The following SLC17A8 variants were observed in gnomAD, a reference collection of about 807,000 sequenced individuals.
SLC17A8 encodes vesicular glutamate transporter 3.
A neutral mutation model predicts 58.0 loss-of-function variants in SLC17A8; 31 were observed. That is an observed-to-expected ratio of 0.53 (90% CI 0.40 to 0.72). SLC17A8 has a LOEUF of 0.72. Among genes scored for constraint, SLC17A8 ranks in the 30% least tolerant of loss-of-function variants. The pLI is 0.00. For synonymous variants in SLC17A8, 228 were observed against 249.0 expected (o/e 0.92, Z 0.79); for missense variants, 655 against 727.8 (o/e 0.90, Z 1.15).
intron 1 of SLC17A8, among the ~76,000 whole-genome samples, chr12:100,370,191 CA>C (rs1364845686): frequency 6.6e-6 from 1 of 151,674 alleles, no homozygotes; most frequent in Non-Finnish European, 1.5e-5. Flanking sequence ...TGGCCTCAAG[CA>C]ATCCTCTCAC....
At chr12:100,367,063 G>T (rs1010035264) in intron 1 of SLC17A8, among the ~76,000 whole-genome samples, 3 of 152,170 alleles carry the variant, frequency 2.0e-5, no homozygotes, top group Non-Finnish European at 4.4e-5. Context: ...CTTAAGAGCA[G>T]GAGTATTCCT....
chr12:100,394,849 GTA>G (rs1200574628), intron 4 of SLC17A8, among the ~76,000 whole-genome samples: 1 of 146,092 alleles, frequency 6.8e-6, no homozygotes, highest in Non-Finnish European at 1.5e-5. Context: ...TATATATAGT[GTA>G]TATATATACT....
chr12:100,393,737 A>G (rs1312163877), intron 4 of SLC17A8, among the ~76,000 whole-genome samples: 1 of 152,202 alleles, frequency 6.6e-6, no homozygotes, highest in Non-Finnish European at 1.5e-5. Context: ...GACCCTCTTC[A>G]TTTTAATAGA....
chr12:100,377,700 T>C (rs1952604907), intron 1 of SLC17A8, among the ~76,000 whole-genome samples: 1 of 150,332 alleles, frequency 6.7e-6, no homozygotes, highest in Non-Finnish European at 1.5e-5. Context: ...GTGATTCTCC[T>C]GCCTCAGTCT....
intron 5 of SLC17A8, 89 bp downstream of exon 5, chr12:100,396,506 A>C (rs1952755270): frequency 1.0e-6 from 1 of 966,230 alleles, no homozygotes; most frequent in Non-Finnish European, 1.6e-6. Flanking sequence ...TCAGCACTTT[A>C]GGGAGGCCGA....
In SLC17A8 at chr12:100,380,894, G is replaced by T; in HGVS notation, c.295G>T (p.Ala99Ser). The change falls in exon 2 of 12, where the codon GCC becomes TCC. Residue 99 changes from alanine (A) to serine (S), a missense_variant. Ala to Ser is a moderately conservative substitution (Grantham distance 99). Coordinates refer to ENST00000323346, the MANE Select transcript of SLC17A8 (RefSeq NM_139319.3). ...SFGIRCNLGV[A>S]IVEMVNNSTV... ...TGGGATCCGGTGCAATCTTGGAGTT[G>T]CCATTGTGGAAATGGTCAACAATAG... is the stretch of plus-strand genomic sequence containing the variant. 1 of 1,614,152 alleles carries T rather than the reference G, an allele frequency of 6.2e-7. No homozygotes were observed. Among genetic ancestry groups the T allele is most frequent in the Non-Finnish European group, 8.5e-7 (1 of 1,180,036 alleles).
intron 1 of SLC17A8, among the ~76,000 whole-genome samples, chr12:100,361,594 AC>A (rs1268690888): frequency 1.3e-5 from 2 of 152,170 alleles, no homozygotes; most frequent in African/African-American, 4.8e-5. Flanking sequence ...ACAGCCTGAG[AC>A]AGGGATTTGG....
chr12:100,404,177 T>C lies in SLC17A8; in HGVS notation c.1186+7T>C. On this transcript the variant is annotated splice_region_variant and intron_variant, in intron 9 of 11. Coordinates refer to ENST00000323346, the MANE Select transcript of SLC17A8 (RefSeq NM_139319.3). ...AAAATCATGAACTGTGGAGGTACTG[T>C]GGATTTCATAGATGGCTTAGGCAGC... 1.9e-6 allele frequency: 3 copies of C among 1,614,138 alleles called. No individual in the cohort carries two copies. The highest frequency in any genetic ancestry group is 2.5e-6 in the Non-Finnish European group (3 of 1,179,996).
intron 1 of SLC17A8, among the ~76,000 whole-genome samples, chr12:100,374,042 T>C (rs1197851815): frequency 1.2e-4 from 18 of 152,214 alleles, no homozygotes; most frequent in Admixed American, 1.2e-3. Flanking sequence ...TATTCATTTA[T>C]TGGTGATAAT....
At chr12:100,392,296 G>T (rs1284817839) in intron 3 of SLC17A8, among the ~76,000 whole-genome samples, 1 of 151,786 alleles carries the variant, frequency 6.6e-6, no homozygotes, top group East Asian at 1.9e-4. Flanking sequence ...AGAAATAGAA[G>T]AAAAGATAAT....
intron 2 of SLC17A8, among the ~76,000 whole-genome samples, chr12:100,388,491 TAG>T (rs560726847): frequency 6.1e-4 from 93 of 152,326 alleles, no homozygotes; most frequent in African/African-American, 2.2e-3. Flanking sequence ...GATAGCTAGC[TAG>T]TTCCTTTTTA....
At chr12:100,380,572 C>T in intron 1 of SLC17A8, 129 bp from the exon 2 acceptor site, 1 of 791,666 alleles carries the variant, frequency 1.3e-6, no homozygotes, top group Non-Finnish European at 2.1e-6. Context: ...GTAATACCTC[C>T]ATAGTATTCT....
At chr12:100,413,010 A>T in intron 10 of SLC17A8, 130 bp downstream of exon 10, 4 of 770,124 alleles carry the variant, frequency 5.2e-6, no homozygotes, top group Non-Finnish European at 9.2e-6. Context: ...ACCACCGTCC[A>T]GAGAATGTGA....
chr12:100,359,707 G>A (rs1043121192), intron 1 of SLC17A8, among the ~76,000 whole-genome samples: 1 of 152,168 alleles, frequency 6.6e-6, no homozygotes, highest in Non-Finnish European at 1.5e-5. Context: ...GTTCTAGTGA[G>A]GAATTATCAA....
At chr12:100,394,738 A>G (rs1004480880) in intron 4 of SLC17A8, among the ~76,000 whole-genome samples, 3 of 147,938 alleles carry the variant, frequency 2.0e-5, no homozygotes, top group African/African-American at 7.4e-5. Flanking sequence ...ACATATATAT[A>G]GTAGAATTAT....
At chr12:100,385,700 G>A (rs191431900) in intron 2 of SLC17A8, among the ~76,000 whole-genome samples, 3 of 152,292 alleles carry the variant, frequency 2.0e-5, no homozygotes, top group East Asian at 3.9e-4. Context: ...TGTGAAATGG[G>A]AATAAAAGGA....
At chr12:100,357,532 C>A in intron 1 of SLC17A8, 40 bp downstream of exon 1, 1 of 1,281,460 alleles carries the variant, frequency 7.8e-7, no homozygotes, top group Non-Finnish European at 1.1e-6. Context: ...TTCTGAGTAG[C>A]TTCGTATTGC....
At chr12:100,382,264 C>A (rs1037861719) in intron 2 of SLC17A8, among the ~76,000 whole-genome samples, 25 of 152,104 alleles carry the variant, frequency 1.6e-4, no homozygotes, top group African/African-American at 5.6e-4. Context: ...TTGCAGGGGG[C>A]CAGATTGAGG....
chr12:100,394,209 T>G (rs1952736206), intron 4 of SLC17A8, among the ~76,000 whole-genome samples: 1 of 152,178 alleles, frequency 6.6e-6, no homozygotes, highest in African/African-American at 2.4e-5. Context: ...TATACAGCAA[T>G]GTTTCCCAAA....
Sources: gnomAD v4.1 joint callset for allele counts (sites outside exome capture counted in the v4.1 genomes callset) on GRCh38, gnomAD v4.1.1 for gene constraint, MANE v1.5 for transcripts, NCBI Gene and HGNC (gene_info 2026-07-23, HGNC 2026-07-21) for gene names.